Variants in PKN2 observed in about 807,000 individuals in gnomAD.
PKN2 encodes the protein protein kinase N2.
A neutral mutation model predicts 119.1 loss-of-function variants in PKN2; 38 were observed. The ratio of observed to expected loss-of-function variants is 0.32; its 90% CI spans 0.25 to 0.42. The LOEUF is 0.42. PKN2 is among the 10% of genes least tolerant of loss of function. PKN2 has a pLI of 1.00. For missense variants in PKN2, 850 were observed against 1,165.1 expected (o/e 0.73, Z 3.94); for synonymous variants, 390 against 384.9 (o/e 1.01, Z -0.15).
At position 88,756,915 on chromosome 1, in the gene PKN2, A is replaced by G. The variant is rs76367189; in HGVS notation, c.350-3307A>G. Among the ~76,000 whole-genome samples the G allele has an allele frequency of 1.2e-4, 19 of 152,264 alleles. No homozygotes were observed. In the East Asian group the frequency reaches 3.5e-3, roughly 28 times the overall value. ...GTACATGATGTTTTCACTATTTAAC[A>G]CATGAAGAAAATAAGGCACAGAGCT... is the stretch of plus-strand genomic sequence containing the variant. On this transcript the variant is annotated intron_variant, in intron 2 of 21. Coordinates refer to ENST00000370521, the MANE Select transcript of PKN2 (RefSeq NM_006256.4).
In PKN2 at chr1:88,705,780, C is replaced by T. The variant is rs868044280; in HGVS notation, c.48+21152C>T. On this transcript the variant is annotated intron_variant, in intron 1 of 21. Transcript: ENST00000370521. The stretch of plus-strand genomic sequence containing the variant: ...AAAATCAGTTGTTCATATATGTGTG[C>T]GACAATTTCTGCTCTCTCCTGATCC... 7.9e-5 allele frequency among the ~76,000 whole-genome samples: 12 copies of T among 151,818 alleles called. No homozygotes were observed. The South Asian group carries it at 1.0e-3, about 13-fold the overall frequency.
At chr1:88,782,802 C>T (rs185350316) in intron 6 of PKN2, among the ~76,000 whole-genome samples, 87 of 152,274 alleles carry the variant, frequency 5.7e-4, no homozygotes, top group African/African-American at 2.0e-3. Flanking sequence ...ATTTGTAACG[C>T]AACCATAGAA....
chr1:88,831,992 T>A (rs1672748128), intron 19 of PKN2, among the ~76,000 whole-genome samples: 1 of 152,002 alleles, frequency 6.6e-6, no homozygotes. Context: ...GTAACTACTT[T>A]TTTATGTCTC....
intron 1 of PKN2, among the ~76,000 whole-genome samples, chr1:88,706,432 GT>G (rs1265830705): frequency 6.6e-6 from 1 of 151,996 alleles, no homozygotes; most frequent in African/African-American, 2.4e-5. Context: ...TGCATAAAAA[GT>G]TTTACTTCTT....
chr1:88,832,166 C>T (rs541180630), intron 19 of PKN2, among the ~76,000 whole-genome samples: 184 of 152,082 alleles, frequency 1.2e-3, no homozygotes, highest in Non-Finnish European at 1.9e-3. Context: ...GCTTGCTAAT[C>T]CATGATTGTG....
At chr1:88,818,979 G>C (rs941109926) in intron 16 of PKN2, among the ~76,000 whole-genome samples, 1 of 138,262 alleles carries the variant, frequency 7.2e-6, no homozygotes, top group African/African-American at 3.2e-5. Context: ...CTAGCCATAT[G>C]CGGGGAACTG....
intron 6 of PKN2, among the ~76,000 whole-genome samples, chr1:88,778,223 G>A (rs960095577): frequency 7.2e-5 from 11 of 152,226 alleles, no homozygotes; most frequent in South Asian, 4.1e-4. Flanking sequence ...GCTGTGTCAC[G>A]TATATCCTTA....
chr1:88,711,330 T>G (rs1667228030), intron 1 of PKN2, among the ~76,000 whole-genome samples: 1 of 152,024 alleles, frequency 6.6e-6, no homozygotes, highest in Non-Finnish European at 1.5e-5. Flanking sequence ...GAACTTAAGG[T>G]TTTCTTATTC....
intron 1 of PKN2, among the ~76,000 whole-genome samples, chr1:88,715,802 G>T (rs1028968473): frequency 6.6e-6 from 1 of 152,062 alleles, no homozygotes; most frequent in Non-Finnish European, 1.5e-5. Context: ...TTTCAGTTCT[G>T]CTCTGATCTT....
intron 1 of PKN2, among the ~76,000 whole-genome samples, chr1:88,731,007 G>A (rs566294314): frequency 6.6e-6 from 1 of 152,312 alleles, no homozygotes; most frequent in East Asian, 1.9e-4. Context: ...ACATTTGTGT[G>A]AAGCCTTTGC....
chr1:88,759,227 G>A (rs917748267), intron 2 of PKN2, among the ~76,000 whole-genome samples: 23 of 152,200 alleles, frequency 1.5e-4, no homozygotes, highest in African/African-American at 5.5e-4. Context: ...GCCAGGCATG[G>A]TGGCGTATGC....
chr1:88,699,365 G>A (rs1021564642), intron 1 of PKN2, among the ~76,000 whole-genome samples: 1 of 150,846 alleles, frequency 6.6e-6, no homozygotes, highest in Non-Finnish European at 1.5e-5. Context: ...TGTTTTTTTT[G>A]CGTATAGGCT....
chr1:88,765,208 C>T (rs1414769139), intron 3 of PKN2, among the ~76,000 whole-genome samples: 3 of 150,056 alleles, frequency 2.0e-5, no homozygotes, highest in Admixed American at 6.7e-5. Flanking sequence ...GGATTACAGG[C>T]GTGAGCTACC....
chr1:88,724,887 T>TG (rs1046113095), intron 1 of PKN2, among the ~76,000 whole-genome samples: 1 of 145,476 alleles, frequency 6.9e-6, no homozygotes, highest in African/African-American at 2.6e-5. Flanking sequence ...CCTTGGTTTT[T>TG]TTTTTTTTTT....
intron 17 of PKN2, among the ~76,000 whole-genome samples, chr1:88,823,856 A>G (rs927188896): frequency 3.3e-5 from 5 of 151,662 alleles, no homozygotes; most frequent in African/African-American, 9.7e-5. Flanking sequence ...TAAAAATACA[A>G]AAGTTAGCCG....
chr1:88,741,065 G>A lies in PKN2; in HGVS notation c.126G>A (p.Gln42=), dbSNP rs1469045673. 6.2e-7 allele frequency: 1 copy of A among 1,607,844 alleles called. No homozygotes were observed. The highest frequency in any genetic ancestry group is 2.2e-5 in the East Asian group (1 of 44,738). ...TAGACTTTTCAGATACAATGGTGCA[G>A]CAGAAATTGGATGATATCAAGGATC... ...QKLDFSDTMV[Q]QKLDDIKDRI... The change falls in exon 2 of 22, where the codon CAG becomes CAA. Residue 42 remains glutamine (Q), a synonymous_variant. Coordinates refer to ENST00000370521, the MANE Select transcript of PKN2 (RefSeq NM_006256.4).
chr1:88,788,066 T>G (rs7536462), intron 8 of PKN2, among the ~76,000 whole-genome samples: 10,100 of 152,264 alleles, frequency 0.066, 684 homozygotes, highest in African/African-American at 0.17. Context: ...CTGACATGTT[T>G]GTTTCCAGCA....
At chr1:88,796,858 A>G (rs1030395800) in intron 8 of PKN2, among the ~76,000 whole-genome samples, 10 of 152,302 alleles carry the variant, frequency 6.6e-5, no homozygotes, top group African/African-American at 2.2e-4. Flanking sequence ...GACACTTAGT[A>G]TACATATTCA....
At chr1:88,749,122 G>A (rs10489889) in intron 2 of PKN2, among the ~76,000 whole-genome samples, 10,166 of 152,090 alleles carry the variant, frequency 0.067, 690 homozygotes, top group African/African-American at 0.18. Flanking sequence ...TAAAAATAGA[G>A]CAGCACCATC....
Sources: allele counts gnomAD v4.1 joint callset (sites outside exome capture counted in the v4.1 genomes callset), GRCh38; gene constraint gnomAD v4.1.1; transcripts MANE v1.5; gene names NCBI Gene and HGNC (gene_info 2026-07-23, HGNC 2026-07-21).